The following NBEA variants were observed in gnomAD, a reference collection of about 807,000 sequenced individuals.
NBEA encodes the protein neurobeachin.
Under a neutral mutation model 343.4 loss-of-function variants are expected in NBEA, and 44 were observed. That is an observed-to-expected ratio of 0.13 (90% CI 0.10 to 0.16). The LOEUF (loss-of-function observed/expected upper bound fraction) is 0.16, where lower values mean the gene tolerates loss of function less well. NBEA is among the 10% of genes least tolerant of loss of function. The pLI is 1.00. For synonymous variants in NBEA, 1,175 were observed against 1,238.7 expected (o/e 0.95, Z 1.08); for missense variants, 2,555 against 3,631.3 (o/e 0.70, Z 7.62).
chr13:35,374,627 G>T (rs978069813), intron 38 of NBEA, among the ~76,000 whole-genome samples: 1 of 152,048 alleles, frequency 6.6e-6, no homozygotes, highest in African/African-American at 2.4e-5. Flanking sequence ...TATGAAATTT[G>T]TATTAAATAA....
intron 41 of NBEA, among the ~76,000 whole-genome samples, chr13:35,547,467 C>A (rs181718683): frequency 6.6e-6 from 1 of 152,148 alleles, no homozygotes; most frequent in African/African-American, 2.4e-5. Context: ...TGTGTATTAG[C>A]TGGGATCCAG....
intron 24 of NBEA, among the ~76,000 whole-genome samples, chr13:35,165,462 C>A (rs1482573991): frequency 6.6e-6 from 1 of 152,066 alleles, no homozygotes; most frequent in Non-Finnish European, 1.5e-5. Context: ...CCAGTAGGGC[C>A]TTAATCAAAT....
chr13:35,129,770 T>G (rs1447344643), intron 17 of NBEA, among the ~76,000 whole-genome samples: 1 of 152,042 alleles, frequency 6.6e-6, no homozygotes, highest in Non-Finnish European at 1.5e-5. Flanking sequence ...GGAAGTAAAA[T>G]GAATTCTAAT....
chr13:34,992,929 C>T (rs1044154163), intron 1 of NBEA, among the ~76,000 whole-genome samples: 3 of 151,880 alleles, frequency 2.0e-5, no homozygotes, highest in African/African-American at 4.8e-5. Context: ...GTGATCCACC[C>T]GCTTTGGCCT....
chr13:35,267,155 C>A (rs1476166087), intron 34 of NBEA, among the ~76,000 whole-genome samples: 2 of 151,750 alleles, frequency 1.3e-5, no homozygotes, highest in African/African-American at 2.4e-5. Context: ...TCTTGGGTGG[C>A]AAAGACGGAA....
intron 38 of NBEA, among the ~76,000 whole-genome samples, chr13:35,386,993 T>A (rs1055262871): frequency 6.6e-6 from 1 of 152,114 alleles, no homozygotes; most frequent in Non-Finnish European, 1.5e-5. Context: ...GATGTCAAAA[T>A]TTTTTTCACT....
chr13:35,110,612 A>G (rs1225130587), intron 12 of NBEA, among the ~76,000 whole-genome samples, 198 bp from the exon 13 acceptor site: 1 of 152,072 alleles, frequency 6.6e-6, no homozygotes, highest in Non-Finnish European at 1.5e-5. Flanking sequence ...TTATGAGTTT[A>G]TTAGAATATG....
chr13:35,349,481 C>CA lies in NBEA; in HGVS notation c.6012+271dup, dbSNP rs1250354095. On this transcript the variant is annotated intron_variant, in intron 37 of 58. Coordinates refer to ENST00000379939, the MANE Select transcript of NBEA (RefSeq NM_001385012.1). Reference sequence around the variant, plus strand: ...ATTCTAACCTACTCAAGAGTAAATGCAAAAAATAATTTATAATGCAACAAT... The same window carrying CA: ...ATTCTAACCTACTCAAGAGTAAATGCAAAAAAATAATTTATAATGCAACAAT... 4.6e-5 allele frequency among the ~76,000 whole-genome samples: 7 copies of CA among 151,856 alleles called. No homozygotes were observed. In the East Asian group the frequency reaches 1.4e-3, roughly 30 times the overall value.
chr13:34,956,378 C>G (rs935019841), intron 1 of NBEA, among the ~76,000 whole-genome samples: 1 of 146,166 alleles, frequency 6.8e-6, no homozygotes, highest in African/African-American at 2.5e-5. Context: ...TTTTGAAAGT[C>G]AGTGAAAGTT....
At chr13:35,241,494 C>A (rs2030266479) in intron 34 of NBEA, among the ~76,000 whole-genome samples, 1 of 151,522 alleles carries the variant, frequency 6.6e-6, no homozygotes, top group East Asian at 1.9e-4. Flanking sequence ...ATCTGTAATA[C>A]CAAAGGTATT....
At chr13:35,192,271 C>T (rs183369508) in intron 30 of NBEA, among the ~76,000 whole-genome samples, 17 of 152,028 alleles carry the variant, frequency 1.1e-4, no homozygotes, top group African/African-American at 3.9e-4. Context: ...TCTGGAAACA[C>T]GAGTTATCTA....
chr13:35,377,752 A>G (rs985926656), intron 38 of NBEA, among the ~76,000 whole-genome samples: 1 of 152,176 alleles, frequency 6.6e-6, no homozygotes, highest in African/African-American at 2.4e-5. Flanking sequence ...GCCTTCCAGT[A>G]ACTTCACCAT....
At chr13:35,164,555 G>A in intron 24 of NBEA, 46 bp downstream of exon 24, 1 of 1,565,432 alleles carries the variant, frequency 6.4e-7, no homozygotes, top group Non-Finnish European at 8.7e-7. Context: ...ATAAATACAT[G>A]ACTTTAGCAT....
rs2085416049 is a variant in NBEA, at chr13:35,667,499, C to A, written c.8590C>A (p.Arg2864=). ...AGGCCACTGTATCATATACTATGAA[C>A]GAGGGCGATTCAGTAATTTCAGCAT... ...SEGHCIIYYE[R]GRFSNFSING... The change falls in exon 57 of 59, where the codon CGA becomes AGA. Residue 2864 remains arginine, a synonymous_variant. Transcript: ENST00000379939. 1 of 1,613,830 alleles carries A rather than the reference C, an allele frequency of 6.2e-7. No homozygotes were observed. The highest frequency in any genetic ancestry group is 1.1e-5 in the South Asian group (1 of 91,084).
At chr13:35,174,796 ATTT>A (rs1218459341) in intron 27 of NBEA, among the ~76,000 whole-genome samples, 1 of 143,494 alleles carries the variant, frequency 7.0e-6, no homozygotes. Flanking sequence ...CTTCAGAGTA[ATTT>A]TTTTTTTTTT....
chr13:35,477,236 T>A (rs1594763619), intron 41 of NBEA: 1 of 166,602 alleles, frequency 6.0e-6, no homozygotes, highest in Admixed American at 6.5e-5. Flanking sequence ...TGTTCCTATA[T>A]GTTAAAATGA....
intron 41 of NBEA, among the ~76,000 whole-genome samples, chr13:35,507,899 A>C (rs2077131138): frequency 6.6e-6 from 1 of 152,148 alleles, no homozygotes; most frequent in Admixed American, 6.5e-5. Context: ...TTTAGTAGTC[A>C]TGTCATGGTG....
chr13:35,159,261 A>C lies in NBEA; in HGVS notation c.3090A>C (p.Ser1030=), dbSNP rs1483886598. The C allele has an allele frequency of 6.2e-7, 1 of 1,613,566 alleles. No individual in the cohort carries two copies. The highest frequency in any genetic ancestry group is 1.1e-5 in the South Asian group (1 of 91,080). The part of the protein sequence containing the change: ...VSTDTRDLLM[S]TKVSDDILGN... ...CAGATACTCGAGACTTACTCATGTC[A>C]ACAAAAGTGTCAGATGATATTCTTG... Residue 1030 remains serine, a synonymous_variant, in exon 22 of 59, where the codon TCA becomes TCC. Coordinates refer to ENST00000379939, the MANE Select transcript of NBEA (RefSeq NM_001385012.1).
At chr13:35,229,206 T>C (rs2074833142) in intron 33 of NBEA, among the ~76,000 whole-genome samples, 1 of 151,970 alleles carries the variant, frequency 6.6e-6, no homozygotes. Flanking sequence ...AATTTTTTAA[T>C]TTTTTGGTAG....
Sources: gnomAD v4.1 joint callset for allele counts (sites outside exome capture counted in the v4.1 genomes callset) on GRCh38, gnomAD v4.1.1 for gene constraint, MANE v1.5 for transcripts, NCBI Gene and HGNC (gene_info 2026-07-23, HGNC 2026-07-21) for gene names.